Variants in WARS2 observed in about 807,000 individuals in gnomAD.
The protein encoded by WARS2 is tryptophan--tRNA ligase, mitochondrial.
In WARS2, 28 loss-of-function variants were observed where a neutral mutation model predicts 36.5. That is an observed-to-expected ratio of 0.77 (90% confidence interval 0.57 to 1.05). WARS2 has a LOEUF of 1.05. Among genes scored for constraint, WARS2 ranks in the 50% least tolerant of loss-of-function variants. The pLI is 0.00. For missense variants in WARS2, 435 were observed against 456.8 expected (o/e 0.95, Z 0.44); for synonymous variants, 174 against 178.4 (o/e 0.98, Z 0.20).
chr1:119,033,640 A>G (rs1281300102), intron 5 of WARS2, among the ~76,000 whole-genome samples: 4 of 152,196 alleles, frequency 2.6e-5, no homozygotes. Context: ...GCCCAATTAT[A>G]GACTAATGTA....
chr1:119,102,965 T>C (rs994413910), intron 1 of WARS2, among the ~76,000 whole-genome samples: 3 of 152,220 alleles, frequency 2.0e-5, no homozygotes, highest in Non-Finnish European at 4.4e-5. Context: ...TTTCTCTAAT[T>C]TTGTCTTTGT....
At chr1:119,059,091 G>T (rs1162524633) in intron 2 of WARS2, among the ~76,000 whole-genome samples, 1 of 150,620 alleles carries the variant, frequency 6.6e-6, no homozygotes, top group Admixed American at 6.6e-5. Context: ...GTGTTTTTTG[G>T]CTGCATAAAT....
chr1:119,075,434 TGC>T (rs993648850), intron 2 of WARS2, among the ~76,000 whole-genome samples: 3 of 152,152 alleles, frequency 2.0e-5, no homozygotes, highest in Admixed American at 6.6e-5. Flanking sequence ...ACTCTTTGGA[TGC>T]CAAGGGATCA....
chr1:119,066,214 A>G (rs1015045880), intron 2 of WARS2, among the ~76,000 whole-genome samples: 16 of 152,330 alleles, frequency 1.1e-4, no homozygotes, highest in African/African-American at 3.6e-4. Flanking sequence ...GCGGTGGCTC[A>G]CGCCTGTAAT....
At chr1:119,077,682 T>A (rs900626095) in intron 1 of WARS2, among the ~76,000 whole-genome samples, 1 of 152,140 alleles carries the variant, frequency 6.6e-6, no homozygotes, top group Non-Finnish European at 1.5e-5. Context: ...ATAAAAAGCA[T>A]TTTTACTCTG....
intron 2 of WARS2, among the ~76,000 whole-genome samples, chr1:119,046,592 G>A (rs61808863): frequency 6.7e-6 from 1 of 150,036 alleles, no homozygotes; most frequent in South Asian, 2.1e-4. Context: ...TCCTGACCTC[G>A]TGATCCACCC....
At chr1:119,117,285 G>A (rs1428880857) in intron 1 of WARS2, among the ~76,000 whole-genome samples, 1 of 152,126 alleles carries the variant, frequency 6.6e-6, no homozygotes, top group Non-Finnish European at 1.5e-5. Context: ...CCCACCTAAG[G>A]AGAGTCTGAG....
At chr1:119,088,793 C>T (rs1652849098) in intron 1 of WARS2, among the ~76,000 whole-genome samples, 1 of 152,106 alleles carries the variant, frequency 6.6e-6, no homozygotes, top group Non-Finnish European at 1.5e-5. Context: ...TGGACATCAC[C>T]AAGGAAGTAA....
intron 1 of WARS2, among the ~76,000 whole-genome samples, chr1:119,097,230 AT>A (rs957059990): frequency 2.6e-5 from 4 of 152,286 alleles, no homozygotes; most frequent in Admixed American, 2.6e-4. Context: ...GAAATGTGTG[AT>A]TTTTAAAAAT....
At chr1:119,064,975 C>T (rs1650709063) in intron 2 of WARS2, among the ~76,000 whole-genome samples, 1 of 152,002 alleles carries the variant, frequency 6.6e-6, no homozygotes, top group African/African-American at 2.4e-5. Flanking sequence ...AAAAATTCGC[C>T]ATTTGCTAAA....
At chr1:119,140,511 T>G in intron 1 of WARS2, 44 bp downstream of exon 1, 1 of 1,585,676 alleles carries the variant, frequency 6.3e-7, no homozygotes, top group Non-Finnish European at 8.6e-7. Flanking sequence ...GAGAAGAACC[T>G]CGCGGGATGG....
Position 119,046,514 on chromosome 1 carries a change from ATT to A in WARS2, c.349-854_349-853del, listed in dbSNP as rs113950723. Among the ~76,000 whole-genome samples the A allele has an allele frequency of 2.9e-3, 405 of 140,876 alleles. 1 individual carries two copies. Among genetic ancestry groups the A allele is most frequent in the African/African-American group, 8.6e-3 (327 of 38,126 alleles). 92.4% of individuals were successfully genotyped at this position (140,876 alleles called of 152,430 possible). ...AAGTACCTGTCACCACATCCGGCTA[ATT>A]TTTTTTTTTTTTTGTCTTTTTAGGA... On this transcript the variant is annotated intron_variant, in intron 2 of 5. Coordinates refer to ENST00000235521, the MANE Select transcript of WARS2 (RefSeq NM_015836.4).
At position 119,033,362 on chromosome 1, in the gene WARS2, A is replaced by G. The variant is rs759059717; in HGVS notation, c.635-3T>C. On this transcript the variant is annotated splice_polypyrimidine_tract_variant and splice_region_variant and intron_variant, in intron 5 of 5. Transcript: ENST00000235521. Reference sequence around the variant, plus strand: ...GGATTTTACCTTCTTCATGGATGCTAGGTTAAAAACACCAACACACACATA... The same window carrying G: ...GGATTTTACCTTCTTCATGGATGCTGGGTTAAAAACACCAACACACACATA... 1 of 1,614,126 alleles carries G rather than the reference A, an allele frequency of 6.2e-7. No individual in the cohort carries two copies. The highest frequency in any genetic ancestry group is 1.1e-5 in the South Asian group (1 of 91,078).
intron 5 of WARS2, 103 bp downstream of exon 5, chr1:119,033,992 C>A (rs772289894): frequency 1.5e-5 from 14 of 959,446 alleles, no homozygotes; most frequent in Non-Finnish European, 2.2e-5. Context: ...AGCCTGTCTA[C>A]AAGAAAGCTG....
chr1:119,069,802 AG>A (rs1651155741), intron 2 of WARS2, among the ~76,000 whole-genome samples: 1 of 152,188 alleles, frequency 6.6e-6, no homozygotes, highest in South Asian at 2.1e-4. Flanking sequence ...CCAAACTGTG[AG>A]GCTAGGGCAG....
At position 119,133,333 on chromosome 1, in the gene WARS2, T is replaced by A. The variant is rs587665466; in HGVS notation, c.90+7222A>T. ...TACTCTACATGTCACCATGGCAAGA[T>A]ATATAAGTGACTTTCATAGAACAGA... On this transcript the variant is annotated intron_variant, in intron 1 of 5. Transcript: ENST00000235521. Among the ~76,000 whole-genome samples, 18 of 152,332 alleles carry A rather than the reference T, an allele frequency of 1.2e-4. No individual in the cohort carries two copies. The South Asian group carries it at 3.7e-3, about 32-fold the overall frequency.
At chr1:119,127,375 T>C in intron 1 of WARS2, 1 of 393,406 alleles carries the variant, frequency 2.5e-6, no homozygotes, top group Non-Finnish European at 4.8e-6. Flanking sequence ...CACAGAAAAA[T>C]CAAGCGACTG....
intron 1 of WARS2, among the ~76,000 whole-genome samples, chr1:119,079,667 T>TC (rs996626883): frequency 1.3e-5 from 2 of 152,160 alleles, no homozygotes; most frequent in African/African-American, 4.8e-5. Context: ...CACTTCCTTT[T>TC]CCCCAAGTAT....
At chr1:119,086,400 G>A (rs587698952) in intron 1 of WARS2, among the ~76,000 whole-genome samples, 1 of 152,296 alleles carries the variant, frequency 6.6e-6, no homozygotes, top group African/African-American at 2.4e-5. Flanking sequence ...CTAAACATGC[G>A]AGGATTAATT....
Sources: allele counts gnomAD v4.1 joint callset (sites outside exome capture counted in the v4.1 genomes callset), GRCh38; gene constraint gnomAD v4.1.1; transcripts MANE v1.5; gene names NCBI Gene and HGNC (gene_info 2026-07-23, HGNC 2026-07-21).